The following AFG1L variants were observed in gnomAD, a reference collection of about 807,000 sequenced individuals.
AFG1L encodes the protein AFG1-like ATPase.
A neutral mutation model predicts 62.2 loss-of-function variants in AFG1L; 53 were observed. The ratio of observed to expected loss-of-function variants is 0.85; its 90% confidence interval spans 0.68 to 1.07. AFG1L has a LOEUF of 1.07. Among genes scored for constraint, AFG1L ranks in the 50% least tolerant of loss-of-function variants. AFG1L has a pLI of 0.00. For missense variants in AFG1L, 555 were observed against 590.5 expected, an observed-to-expected ratio of 0.94 and a Z score of 0.62; for synonymous variants, 228 against 210.3, an observed-to-expected ratio of 1.08 and a Z score of -0.73.
intron 6 of AFG1L, among the ~76,000 whole-genome samples, chr6:108,397,557 T>C (rs1781376721): frequency 6.6e-6 from 1 of 152,176 alleles, no homozygotes; most frequent in Non-Finnish European, 1.5e-5. Context: ...ACGCTCCGCC[T>C]TTTTTATTCT....
intron 1 of AFG1L, 103 bp downstream of exon 1, chr6:108,295,321 C>A: frequency 2.9e-6 from 4 of 1,363,916 alleles, no homozygotes; most frequent in Non-Finnish European, 3.0e-6. Context: ...CTCCTGCTTT[C>A]ACGAAGCTGA....
At chr6:108,315,203 C>A (rs758323459) in intron 1 of AFG1L, among the ~76,000 whole-genome samples, 2 of 152,120 alleles carry the variant, frequency 1.3e-5, no homozygotes, top group Non-Finnish European at 1.5e-5. Flanking sequence ...CCAACCTCTT[C>A]TTGTAGCACA....
chr6:108,401,885 C>A (rs1781634324), intron 6 of AFG1L, 111 bp from the exon 7 acceptor site: 1 of 537,550 alleles, frequency 1.9e-6, no homozygotes, highest in Non-Finnish European at 3.3e-6. Flanking sequence ...TTTCTTTTTG[C>A]TCCTTTATCT....
At chr6:108,464,091 A>G (rs561509831) in intron 8 of AFG1L, among the ~76,000 whole-genome samples, 1 of 152,290 alleles carries the variant, frequency 6.6e-6, no homozygotes, top group African/African-American at 2.4e-5. Flanking sequence ...AGGAAAGCCA[A>G]CCCTATTCTA....
At chr6:108,344,237 C>T (rs1265350133) in intron 2 of AFG1L, among the ~76,000 whole-genome samples, 1 of 152,046 alleles carries the variant, frequency 6.6e-6, no homozygotes, top group East Asian at 1.9e-4. Flanking sequence ...CTCAGCCTCC[C>T]AAGTAGCTGA....
intron 2 of AFG1L, 116 bp from the exon 3 acceptor site, chr6:108,346,872 T>G (rs1296599360): frequency 1.4e-6 from 1 of 733,156 alleles, no homozygotes; most frequent in East Asian, 2.8e-5. Flanking sequence ...TTTTCTTACT[T>G]ATTGTATATA....
At chr6:108,474,726 G>T (rs1411626811) in intron 8 of AFG1L, among the ~76,000 whole-genome samples, 2 of 152,088 alleles carry the variant, frequency 1.3e-5, no homozygotes, top group African/African-American at 4.8e-5. Flanking sequence ...ACTTTTTGAT[G>T]GGGTTGTTTG....
chr6:108,360,026 A>C (rs1779461099), intron 5 of AFG1L, among the ~76,000 whole-genome samples: 1 of 152,202 alleles, frequency 6.6e-6, no homozygotes, highest in Non-Finnish European at 1.5e-5. Flanking sequence ...TTTCCTTAAT[A>C]TGAAATCTCT....
At chr6:108,382,540 C>G (rs79026592) in intron 6 of AFG1L, among the ~76,000 whole-genome samples, 3,421 of 152,176 alleles carry the variant, frequency 0.022, 80 homozygotes, top group South Asian at 0.085. Flanking sequence ...ATACAATGTT[C>G]ATCACCTTAA....
chr6:108,314,396 C>CTTT (rs779796652), intron 1 of AFG1L, among the ~76,000 whole-genome samples: 1 of 140,678 alleles, frequency 7.1e-6, no homozygotes. Context: ...TCTGCTTCTT[C>CTTT]TTTTTTTTTT....
chr6:108,367,957 T>A (rs547513016), intron 6 of AFG1L, among the ~76,000 whole-genome samples: 17 of 152,282 alleles, frequency 1.1e-4, no homozygotes, highest in African/African-American at 3.8e-4. Flanking sequence ...ACTTTTTTTT[T>A]AAAGTAAGCT....
intron 7 of AFG1L, among the ~76,000 whole-genome samples, chr6:108,445,676 G>GAGAGAA (rs1771750619): frequency 7.5e-6 from 1 of 133,574 alleles, no homozygotes; most frequent in Non-Finnish European, 1.6e-5. Flanking sequence ...GAGAGAGAGA[G>GAGAGAA]AGAGAAACAG....
chr6:108,419,006 A>AT (rs1201962370), intron 7 of AFG1L, among the ~76,000 whole-genome samples: 4 of 152,158 alleles, frequency 2.6e-5, no homozygotes, highest in Non-Finnish European at 5.9e-5. Flanking sequence ...AAATTTTTCC[A>AT]TTTGGGTAAA....
intron 6 of AFG1L, among the ~76,000 whole-genome samples, chr6:108,380,924 G>C (rs1780479387): frequency 6.6e-6 from 1 of 152,160 alleles, no homozygotes; most frequent in African/African-American, 2.4e-5. Context: ...GCTATCATGG[G>C]GGCTGTTTTC....
chr6:108,515,109 G>A (rs556202887), intron 11 of AFG1L, among the ~76,000 whole-genome samples: 10 of 152,216 alleles, frequency 6.6e-5, no homozygotes, highest in African/African-American at 2.2e-4. Flanking sequence ...AGTCAACAAG[G>A]ATATCCAGGA....
intron 3 of AFG1L, among the ~76,000 whole-genome samples, chr6:108,352,148 C>T (rs1474644676): frequency 6.6e-6 from 1 of 152,196 alleles, no homozygotes; most frequent in Middle Eastern, 3.2e-3. Context: ...CCACATCCCA[C>T]CCCAGACTCC....
chr6:108,467,322 A>G (rs910878170), intron 8 of AFG1L, among the ~76,000 whole-genome samples: 44 of 150,272 alleles, frequency 2.9e-4, no homozygotes, highest in Non-Finnish European at 7.4e-5. Flanking sequence ...ATCTTGGCTC[A>G]CTGCAACTTC....
chr6:108,388,797 C>G lies in AFG1L; in HGVS notation c.749-13199C>G, dbSNP rs796468492. Among the ~76,000 whole-genome samples the G allele has an allele frequency of 3.3e-4, 50 of 151,662 alleles. No homozygotes were observed. The East Asian group carries it at 5.0e-3, about 15-fold the overall frequency. On this transcript the variant is annotated intron_variant, in intron 6 of 12. Transcript: ENST00000368977. ...TTGCTGAGGAGAGCTTTACTTCCAA[C>G]TATGTGGTCAATTTTGGAATAGGTG...
chr6:108,449,004 T>C lies in AFG1L; in HGVS notation c.890+1708T>C, dbSNP rs368341112. On this transcript the variant is annotated intron_variant, in intron 8 of 12. Transcript: ENST00000368977. ...TCTCTACAAAAAATTTAAAAAATAG[T>C]GGGTGTGGTGGCACCTGCCTGTAGT... Among the ~76,000 whole-genome samples, 227 of 151,818 alleles carry C rather than the reference T, an allele frequency of 1.5e-3. 1 individual carries two copies. The highest frequency in any genetic ancestry group is 5.2e-3 in the African/African-American group (215 of 41,408).
Sources: allele counts gnomAD v4.1 joint callset (sites outside exome capture counted in the v4.1 genomes callset), GRCh38; gene constraint gnomAD v4.1.1; transcripts MANE v1.5; gene names NCBI Gene and HGNC (gene_info 2026-07-23, HGNC 2026-07-21).